The following TRRAP variants were observed in gnomAD, a reference collection of about 807,000 sequenced individuals.
TRRAP encodes the protein transformation/transcription domain-associated protein.
TRRAP carries 41 observed loss-of-function variants against 438.8 expected under a neutral mutation model. The ratio of observed to expected loss-of-function variants is 0.09; its 90% CI spans 0.07 to 0.12. TRRAP has a LOEUF of 0.12. Ranked by LOEUF, TRRAP falls within the 10% of genes least tolerant of loss-of-function variation. TRRAP has a pLI of 1.00. For synonymous variants in TRRAP, 1,994 were observed against 1,962.9 expected (o/e 1.02, Z -0.42); for missense variants, 3,122 against 5,055.1 (o/e 0.62, Z 11.60).
intron 67 of TRRAP, among the ~76,000 whole-genome samples, chr7:98,997,423 C>G (rs1166667469): frequency 5.2e-5 from 5 of 97,036 alleles, no homozygotes; most frequent in African/African-American, 2.0e-4. Context: ...AAAAAGGCAA[C>G]AAAATCCAGA....
At chr7:98,947,220 A>G (rs2056160068) in intron 33 of TRRAP, among the ~76,000 whole-genome samples, 1 of 152,166 alleles carries the variant, frequency 6.6e-6, no homozygotes, top group African/African-American at 2.4e-5. Flanking sequence ...AGCTGGAGCA[A>G]CAGCAGCCCA....
chr7:98,909,678 G>A (rs1796970275), intron 14 of TRRAP, among the ~76,000 whole-genome samples: 1 of 152,200 alleles, frequency 6.6e-6, no homozygotes, highest in Non-Finnish European at 1.5e-5. Flanking sequence ...CTGTTGGGAC[G>A]AGGCCTGTAG....
intron 50 of TRRAP, 44 bp from the exon 51 acceptor site, chr7:98,967,441 T>C (rs750728146): frequency 3.8e-6 from 6 of 1,599,996 alleles, no homozygotes; most frequent in South Asian, 1.1e-5. Context: ...TGCATATGAC[T>C]TGGGGAGTCC....
chr7:98,976,653 G>C lies in TRRAP; in HGVS notation c.8130G>C (p.Trp2710Cys). 6.2e-7 allele frequency: 1 copy of C among 1,614,158 alleles called. No homozygotes were observed. ...LKYLGKTHNL[W>C]FRSTLMLEHQ... ...ACCTGGGGAAGACACACAACCTCTG[G>C]TTCCGGTCCACGCTGATGTTGGAGC... is the stretch of plus-strand genomic sequence containing the variant. The change falls in exon 55 of 73, where the codon TGG (tryptophan) becomes TGC (cysteine). Residue 2710 changes from tryptophan (W) to cysteine (C), a missense_variant. Transcript: ENST00000456197. This position sits in a 1 kb window ranked among gnomAD's most constrained non-coding sequence, Gnocchi z 4.6.
Position 98,976,992 on chromosome 7 carries a change from G to T in TRRAP, c.8301G>T (p.Met2767Ile). Residue 2767 changes from methionine to isoleucine, a missense_variant, in exon 56 of 73, where the codon ATG becomes ATT. Met to Ile is a conservative substitution (Grantham distance 10). Transcript: ENST00000456197. This position sits in a 1 kb window ranked among gnomAD's most constrained non-coding sequence, Gnocchi z 4.6. The part of the protein sequence containing the change: ...ELYSLLQEED[M>I]WAGLWQKRCK... ...ACTCCCTGTTACAAGAGGAAGATATGTGGGCTGGTCTGTGGCAGAAGCGGT... is the reference window on the plus strand; with the variant it reads ...ACTCCCTGTTACAAGAGGAAGATATTTGGGCTGGTCTGTGGCAGAAGCGGT... The T allele has an allele frequency of 1.2e-6, 2 of 1,614,228 alleles. No homozygotes were observed. Among genetic ancestry groups the T allele is most frequent in the Non-Finnish European group, 1.7e-6 (2 of 1,180,044 alleles).
intron 33 of TRRAP, among the ~76,000 whole-genome samples, chr7:98,947,545 T>A (rs1554417137): frequency 6.6e-6 from 1 of 151,770 alleles, no homozygotes; most frequent in African/African-American, 2.4e-5. Flanking sequence ...AACCTCCGCC[T>A]CCTGGGTTCA....
chr7:98,947,095 C>A (rs1791114175), intron 33 of TRRAP, among the ~76,000 whole-genome samples: 1 of 152,222 alleles, frequency 6.6e-6, no homozygotes, highest in Non-Finnish European at 1.5e-5. Flanking sequence ...CCCCTTCTTA[C>A]CCCGAGGATC....
rs1266857668 is a variant in TRRAP at position 98,970,308 on chromosome 7, C to T, written c.7692+17C>T. 3.1e-6 allele frequency: 5 copies of T among 1,608,750 alleles called. No individual in the cohort carries two copies. The African/African-American group carries it at 6.7e-5, about 21-fold the overall frequency. On this transcript the variant is annotated intron_variant, in intron 52 of 72. Transcript: ENST00000456197. ...AAAGAGGAGGTGAGGCCCTGCACCC[C>T]ACAGGCAGAATCCCAGAGAGGAGGT...
At chr7:98,925,754 A>C (rs981131840) in intron 22 of TRRAP, among the ~76,000 whole-genome samples, 7 of 152,238 alleles carry the variant, frequency 4.6e-5, no homozygotes, top group Non-Finnish European at 1.5e-5. Context: ...CTGCATTGTA[A>C]GTTTCAGGGG....
chr7:98,946,644 GACA>G (rs1396264503), intron 33 of TRRAP, among the ~76,000 whole-genome samples: 1 of 140,802 alleles, frequency 7.1e-6, no homozygotes, highest in Non-Finnish European at 1.5e-5. Flanking sequence ...ACAATGCACT[GACA>G]ACACACATGC....
At chr7:98,966,013 A>G (rs1584370763) in intron 49 of TRRAP, 118 bp downstream of exon 49, 1 of 1,161,852 alleles carries the variant, frequency 8.6e-7, no homozygotes, top group South Asian at 1.5e-5. Context: ...AATTGCACTC[A>G]CAGCATCTTT....
Position 99,011,946 on chromosome 7 carries a change from T to C in TRRAP, c.11338-125T>C. 3.1e-6 allele frequency: 4 copies of C among 1,281,508 alleles called. No homozygotes were observed. Among genetic ancestry groups the C allele is most frequent in the Non-Finnish European group, 4.3e-6 (4 of 935,540 alleles). The allele number at this position is 1,281,508 out of a possible 1,614,324, so 79.4% of individuals were successfully genotyped here. A position where few individuals can be genotyped will look rare whatever the true frequency, so the allele number is the denominator to read the frequency against. Reference sequence around the variant, plus strand: ...GAGGGCACACAGCCTGGCCTGGTGCTGAAACTCGACTGGCCCTTGGTGGCC... The same window carrying C: ...GAGGGCACACAGCCTGGCCTGGTGCCGAAACTCGACTGGCCCTTGGTGGCC... On this transcript the variant is annotated intron_variant, in intron 72 of 72. Coordinates refer to ENST00000456197, the MANE Select transcript of TRRAP (RefSeq NM_001375524.1). This position sits in a 1 kb window ranked among gnomAD's most constrained non-coding sequence, Gnocchi z 7.1.
At chr7:98,943,584 C>T (rs1790900642) in intron 31 of TRRAP, among the ~76,000 whole-genome samples, 1 of 152,200 alleles carries the variant, frequency 6.6e-6, no homozygotes, top group Non-Finnish European at 1.5e-5. Flanking sequence ...CTTCAAAGCA[C>T]ATTTGTATGG....
chr7:98,971,418 C>G (rs1235888622), intron 52 of TRRAP, among the ~76,000 whole-genome samples: 1 of 152,218 alleles, frequency 6.6e-6, no homozygotes, highest in African/African-American at 2.4e-5. Context: ...CGCCGTGGCC[C>G]TGAAGGGATT....
At chr7:98,911,721 G>A (rs148724822) in intron 17 of TRRAP, among the ~76,000 whole-genome samples, 145 of 150,996 alleles carry the variant, frequency 9.6e-4, no homozygotes, top group Non-Finnish European at 1.3e-3. Flanking sequence ...AGCTGAGATC[G>A]CACCGCTGCA....
chr7:98,967,928 A>G (rs1000560135), intron 51 of TRRAP, among the ~76,000 whole-genome samples: 1 of 152,210 alleles, frequency 6.6e-6, no homozygotes, highest in Non-Finnish European at 1.5e-5. Flanking sequence ...ATATTTTTGT[A>G]GGTGAAGATT....
chr7:98,997,072 G>A lies in TRRAP; in HGVS notation c.10309+2224G>A, dbSNP rs554694776. On this transcript the variant is annotated intron_variant, in intron 67 of 72. Coordinates refer to ENST00000456197, the MANE Select transcript of TRRAP (RefSeq NM_001375524.1). The stretch of plus-strand genomic sequence containing the variant: ...TGTAATCCCAGCACTTTCAGAGGCC[G>A]AGGTGGGCGGGTCACTTGAGGTCAG... 7.2e-5 allele frequency among the ~76,000 whole-genome samples: 11 copies of A among 152,126 alleles called. No homozygotes were observed. In the East Asian group the frequency reaches 1.4e-3, roughly 19 times the overall value.
In TRRAP at chr7:98,958,111, T is replaced by C. The variant is rs527858829; in HGVS notation, c.6342+20T>C. 1 of 1,607,236 alleles carries C rather than the reference T, an allele frequency of 6.2e-7. No homozygotes were observed. The highest frequency in any genetic ancestry group is 1.3e-5 in the African/African-American group (1 of 74,894). ...TGTCAGGTACGGGATCCAAGTGCCC[T>C]GCGTTAGGGCTTCTGCAGACCAGAG... On this transcript the variant is annotated intron_variant, in intron 44 of 72. Coordinates refer to ENST00000456197, the MANE Select transcript of TRRAP (RefSeq NM_001375524.1).
At chr7:98,933,456 G>A (rs1790417861) in intron 27 of TRRAP, 54 bp downstream of exon 27, 2 of 1,564,888 alleles carry the variant, frequency 1.3e-6, no homozygotes, top group East Asian at 4.6e-5. Context: ...GTGTCTGCTA[G>A]CCTGTCTTTG....
Sources: gnomAD v4.1 joint callset for allele counts (sites outside exome capture counted in the v4.1 genomes callset) on GRCh38, gnomAD v4.1.1 for gene constraint, Gnocchi (gnomAD v3.1) non-coding constraint, MANE v1.5 for transcripts, NCBI Gene and HGNC (gene_info 2026-07-23, HGNC 2026-07-21) for gene names.